Variants in SUMF1 observed in about 807,000 individuals in gnomAD.
SUMF1 encodes the protein sulfatase modifying factor 1.
In SUMF1, 48 loss-of-function variants were observed where a neutral mutation model predicts 47.6. The ratio of observed to expected loss-of-function variants is 1.01; its 90% CI spans 0.80 to 1.28. SUMF1 has a LOEUF of 1.28. Among genes scored for constraint, SUMF1 ranks in the 50% most tolerant of loss-of-function variants. The pLI is 0.00. For synonymous variants in SUMF1, 230 were observed against 192.1 expected (o/e 1.20, Z -1.63); for missense variants, 571 against 485.4 (o/e 1.18, Z -1.66).
chr3:4,346,794 T>C (rs915233630), intron 8 of SUMF1, among the ~76,000 whole-genome samples: 1 of 151,810 alleles, frequency 6.6e-6, no homozygotes, highest in Non-Finnish European at 1.5e-5. Context: ...GCTAGGCTAA[T>C]AAAGAAGAAG....
intron 8 of SUMF1, among the ~76,000 whole-genome samples, chr3:4,141,893 G>C (rs925255979): frequency 5.9e-5 from 9 of 152,102 alleles, no homozygotes; most frequent in Admixed American, 4.6e-4. Flanking sequence ...AACAATTTGA[G>C]AGCTCTGGGT....
intron 7 of SUMF1, among the ~76,000 whole-genome samples, chr3:4,396,032 T>C (rs893395685): frequency 2.6e-5 from 4 of 152,316 alleles, no homozygotes; most frequent in East Asian, 3.9e-4. Context: ...ACTTTAGAGA[T>C]TGAAAGGTGG....
intron 8 of SUMF1, chr3:4,303,858 G>A: frequency 1.5e-6 from 2 of 1,315,714 alleles, no homozygotes; most frequent in South Asian, 1.3e-5. Context: ...GGTCTCAGGT[G>A]TCTCTCACAG....
chr3:4,055,729 A>C (rs1162083955), intron 9 of SUMF1, among the ~76,000 whole-genome samples: 1 of 152,114 alleles, frequency 6.6e-6, no homozygotes, highest in East Asian at 1.9e-4. Context: ...TTGGCCTCCC[A>C]AAGTGCAAGG....
In SUMF1 at chr3:4,134,944, G is replaced by C. The variant is rs1028071269; in HGVS notation, c.1015-66199C>G. On this transcript the variant is annotated intron_variant and NMD_transcript_variant, in intron 8 of 12. Coordinates refer to the SUMF1 transcript ENST00000448413. The stretch of plus-strand genomic sequence containing the variant: ...CAGGACGAAGTTGAATCTCTGAATA[G>C]ACCAATAACAGGCTCTGAAATTGTG... Among the ~76,000 whole-genome samples, 11 of 152,092 alleles carry C rather than the reference G, an allele frequency of 7.2e-5. 1 individual carries two copies. The highest frequency in any genetic ancestry group is 1.5e-4 in the Non-Finnish European group (10 of 68,018).
intron 3 of SUMF1, among the ~76,000 whole-genome samples, chr3:4,420,600 G>A (rs528363313): frequency 1.3e-5 from 2 of 152,110 alleles, no homozygotes; most frequent in South Asian, 2.1e-4. Context: ...GTTTCACTCT[G>A]TTAGCCAGGA....
intron 8 of SUMF1, chr3:4,313,518 T>C (rs149661136): frequency 6.2e-7 from 1 of 1,613,904 alleles, no homozygotes; most frequent in Admixed American, 1.7e-5. Flanking sequence ...AAGAACTCTC[T>C]TATGATTATT....
intron 8 of SUMF1, among the ~76,000 whole-genome samples, chr3:4,194,719 C>G (rs1695391621): frequency 6.6e-6 from 1 of 152,162 alleles, no homozygotes; most frequent in Non-Finnish European, 1.5e-5. Context: ...TTGTTATCAT[C>G]ATTACCAGAA....
At chr3:4,054,008 C>T (rs1257338253) in intron 9 of SUMF1, among the ~76,000 whole-genome samples, 2 of 152,082 alleles carry the variant, frequency 1.3e-5, no homozygotes, top group African/African-American at 4.8e-5. Context: ...CATCACAAAA[C>T]TCGTCTCTAC....
chr3:4,348,033 C>G (rs1339515856), intron 8 of SUMF1, among the ~76,000 whole-genome samples: 3 of 152,108 alleles, frequency 2.0e-5, no homozygotes, highest in Non-Finnish European at 4.4e-5. Context: ...AGAGAGGACA[C>G]AAACAAATGG....
chr3:4,142,372 G>C (rs186665904), intron 8 of SUMF1, among the ~76,000 whole-genome samples: 3 of 152,220 alleles, frequency 2.0e-5, no homozygotes, highest in African/African-American at 7.2e-5. Flanking sequence ...AACACATATT[G>C]CTGTATAGTC....
At chr3:4,242,885 G>A (rs1405325475) in intron 8 of SUMF1, among the ~76,000 whole-genome samples, 1 of 152,114 alleles carries the variant, frequency 6.6e-6, no homozygotes, top group African/African-American at 2.4e-5. Flanking sequence ...TAGAATTCGG[G>A]TGTGAATCCA....
chr3:4,431,276 T>G (rs1198141216), intron 3 of SUMF1, among the ~76,000 whole-genome samples: 1 of 152,210 alleles, frequency 6.6e-6, no homozygotes, highest in South Asian at 2.1e-4. Flanking sequence ...TTTGGCACAC[T>G]TTCCTCTGAT....
intron 8 of SUMF1, among the ~76,000 whole-genome samples, chr3:4,111,112 C>T (rs570087897): frequency 2.7e-4 from 41 of 151,736 alleles, no homozygotes; most frequent in African/African-American, 8.7e-4. Flanking sequence ...TACACCCCTC[C>T]CTCAGGATAT....
chr3:4,449,141 C>T, intron 3 of SUMF1, 125 bp downstream of exon 3: 1 of 1,067,480 alleles, frequency 9.4e-7, no homozygotes, highest in Non-Finnish European at 1.5e-6. Context: ...TGGGGTCAAT[C>T]CTCAGCAGGA....
At chr3:4,193,937 A>G (rs976131392) in intron 8 of SUMF1, among the ~76,000 whole-genome samples, 3 of 152,156 alleles carry the variant, frequency 2.0e-5, no homozygotes, top group African/African-American at 4.8e-5. Flanking sequence ...TTCAATAAAC[A>G]TTAGCTACTA....
intron 7 of SUMF1, among the ~76,000 whole-genome samples, chr3:4,385,436 G>A (rs1250203325): frequency 2.0e-5 from 3 of 152,072 alleles, no homozygotes; most frequent in Non-Finnish European, 4.4e-5. Flanking sequence ...CTTCTGTGGT[G>A]TCTCTTCATG....
At chr3:4,251,931 C>A (rs537307784) in intron 8 of SUMF1, among the ~76,000 whole-genome samples, 1 of 152,060 alleles carries the variant, frequency 6.6e-6, no homozygotes, top group Non-Finnish European at 1.5e-5. Flanking sequence ...CTTAACAGAC[C>A]TACAGTAGTG....
chr3:4,143,806 G>C (rs746296771), intron 8 of SUMF1, among the ~76,000 whole-genome samples: 1 of 152,076 alleles, frequency 6.6e-6, no homozygotes, highest in Non-Finnish European at 1.5e-5. Context: ...GATTCACAGA[G>C]CAGTAACAGT....
Sources: allele counts gnomAD v4.1 joint callset (sites outside exome capture counted in the v4.1 genomes callset), GRCh38; gene constraint gnomAD v4.1.1; transcripts MANE v1.5; gene names NCBI Gene and HGNC (gene_info 2026-07-23, HGNC 2026-07-21).